Variants in KLHL3 observed in about 807,000 individuals in gnomAD.
The protein encoded by KLHL3 is kelch like family member 3.
Under a neutral mutation model 70.5 loss-of-function variants are expected in KLHL3, and 19 were observed. The ratio of observed to expected loss-of-function variants is 0.27; its 90% CI spans 0.19 to 0.40. The LOEUF (loss-of-function observed/expected upper bound fraction) is 0.40. KLHL3 is among the 10% of genes least tolerant of loss of function. The probability of loss-of-function intolerance (pLI) is 1.00; values close to 1 mark genes in which losing one functional copy is unlikely to be tolerated. For synonymous variants in KLHL3, 258 were observed against 290.3 expected, an observed-to-expected ratio of 0.89 and a Z score of 1.13; for missense variants, 512 against 771.1, an observed-to-expected ratio of 0.66 and a Z score of 3.98.
At chr5:137,705,706 A>C (rs984158889) in intron 3 of KLHL3, among the ~76,000 whole-genome samples, 8 of 152,156 alleles carry the variant, frequency 5.3e-5, no homozygotes, top group Non-Finnish European at 8.8e-5. Context: ...TTAACACCAT[A>C]AAATAGGGGC....
intron 12 of KLHL3, among the ~76,000 whole-genome samples, chr5:137,632,920 C>T (rs1455169202): frequency 6.6e-6 from 1 of 152,108 alleles, no homozygotes. Context: ...TGCTTAACAT[C>T]GTAATCATCA....
At chr5:137,642,769 T>C (rs1750946421) in intron 8 of KLHL3, among the ~76,000 whole-genome samples, 1 of 151,140 alleles carries the variant, frequency 6.6e-6, no homozygotes, top group African/African-American at 2.4e-5. Context: ...GCAAGCAAAA[T>C]AAAAAGAGAA....
At chr5:137,667,317 G>A (rs1160175672) in intron 6 of KLHL3, among the ~76,000 whole-genome samples, 1 of 152,186 alleles carries the variant, frequency 6.6e-6, no homozygotes, top group Non-Finnish European at 1.5e-5. Context: ...AGGATAGGGT[G>A]ATATCTACTT....
rs578058663 is a variant in KLHL3, at chr5:137,657,805, T to C, written c.903+326A>G. Among the ~76,000 whole-genome samples, 4 of 152,264 alleles carry C rather than the reference T, an allele frequency of 2.6e-5. No homozygotes were observed. In the East Asian group the frequency reaches 7.7e-4, roughly 29 times the overall value. On this transcript the variant is annotated intron_variant, in intron 8 of 14. Transcript: ENST00000309755. ...TGGCCATCACTAAGTGAAACCAACA[T>C]AGCCATTCCTCTGCTTCCAACAGAA...
chr5:137,691,820 G>A (rs2967801), intron 5 of KLHL3, among the ~76,000 whole-genome samples: 117,671 of 150,608 alleles, frequency 0.78, 46,191 homozygotes, highest in East Asian at 0.98. Context: ...GGGTTTCACC[G>A]TGTTAGCCAG....
chr5:137,626,163 C>T (rs932507379), intron 13 of KLHL3, among the ~76,000 whole-genome samples: 3 of 152,162 alleles, frequency 2.0e-5, no homozygotes, highest in African/African-American at 7.2e-5. Flanking sequence ...CCCCCCGCCA[C>T]ACACATACCT....
intron 3 of KLHL3, among the ~76,000 whole-genome samples, chr5:137,709,391 G>C (rs546893743): frequency 3.9e-5 from 6 of 152,338 alleles, no homozygotes; most frequent in African/African-American, 1.4e-4. Flanking sequence ...CCTTGTCTCA[G>C]CCTCAGTGTC....
intron 4 of KLHL3, among the ~76,000 whole-genome samples, chr5:137,697,648 C>T (rs1048894189): frequency 6.6e-6 from 1 of 152,162 alleles, no homozygotes; most frequent in Non-Finnish European, 1.5e-5. Context: ...CTCAGGACCA[C>T]CAAACAGTGA....
At chr5:137,634,395 G>A (rs764077966) in intron 11 of KLHL3, among the ~76,000 whole-genome samples, 5 of 152,116 alleles carry the variant, frequency 3.3e-5, no homozygotes, top group Admixed American at 6.5e-5. Flanking sequence ...AACACTTAAC[G>A]TCTTTCTAAA....
chr5:137,687,098 C>T (rs1580761526), intron 5 of KLHL3, among the ~76,000 whole-genome samples: 1 of 98,514 alleles, frequency 1.0e-5, no homozygotes, highest in Admixed American at 9.5e-5. Context: ...GCCCGGCCAG[C>T]CGCCCCGTCC....
intron 3 of KLHL3, among the ~76,000 whole-genome samples, chr5:137,700,758 A>G (rs962565207): frequency 1.3e-5 from 2 of 152,212 alleles, no homozygotes; most frequent in African/African-American, 4.8e-5. Flanking sequence ...GATGTGAAAG[A>G]AAAACTAAGG....
At chr5:137,719,915 C>T (rs1291630078) in intron 2 of KLHL3, among the ~76,000 whole-genome samples, 1 of 152,096 alleles carries the variant, frequency 6.6e-6, no homozygotes, top group East Asian at 1.9e-4. Flanking sequence ...AAGGATTTTT[C>T]CCCTGTGATT....
At chr5:137,702,145 CCAA>C (rs1419767180) in intron 3 of KLHL3, among the ~76,000 whole-genome samples, 1 of 152,168 alleles carries the variant, frequency 6.6e-6, no homozygotes, top group Non-Finnish European at 1.5e-5. Context: ...GACAAGAAAA[CCAA>C]CAACTGCAAA....
rs796957196 is a variant in KLHL3 at position 137,639,711 on chromosome 5, C to CA, written c.1021+148dup. 298,128 of 504,362 alleles carry CA rather than the reference C, an allele frequency of 0.59. 56,812 individuals are homozygous for CA. The highest frequency in any genetic ancestry group is 0.7 in the Admixed American group (20,485 of 29,094). 31.2% of individuals were successfully genotyped at this position (504,362 alleles called of 1,614,324 possible). ...TCTGTCTTAAAACAACGACAACAAC[C>CA]AAAAAAAAAAAAAAAGTGTGCAGGA... is the stretch of plus-strand genomic sequence containing the variant. On this transcript the variant is annotated intron_variant, in intron 9 of 14. Coordinates refer to ENST00000309755, the MANE Select transcript of KLHL3 (RefSeq NM_017415.3). The surrounding 1 kb of genome is among the most constrained non-coding windows in gnomAD (Gnocchi z 5.0).
intron 6 of KLHL3, among the ~76,000 whole-genome samples, chr5:137,677,207 G>A (rs1468355424): frequency 6.6e-6 from 1 of 152,174 alleles, no homozygotes; most frequent in Non-Finnish European, 1.5e-5. Flanking sequence ...AGCATTTTGG[G>A]AGGCTGAGGC....
intron 10 of KLHL3, 125 bp downstream of exon 10, chr5:137,638,828 G>A (rs1021400185): frequency 1.1e-6 from 1 of 873,616 alleles, no homozygotes; most frequent in Non-Finnish European, 1.8e-6. Context: ...AAGAAGAGTG[G>A]ATATGTCCCT....
chr5:137,656,741 G>A (rs983159550), intron 8 of KLHL3, among the ~76,000 whole-genome samples: 6 of 152,222 alleles, frequency 3.9e-5, no homozygotes, highest in African/African-American at 7.2e-5. Flanking sequence ...ACTAGGCAAC[G>A]TGAGGCCAAC....
intron 1 of KLHL3, among the ~76,000 whole-genome samples, chr5:137,725,891 C>A (rs1477181217): frequency 1.3e-5 from 2 of 152,168 alleles, no homozygotes; most frequent in African/African-American, 4.8e-5. Flanking sequence ...TCACAGATAC[C>A]CACTGACCCC....
chr5:137,647,433 GC>G (rs1751078931), intron 8 of KLHL3: 2 of 313,550 alleles, frequency 6.4e-6, no homozygotes, highest in African/African-American at 5.1e-5. Flanking sequence ...CCTAGCCCTG[GC>G]CTCAGGACTA....
Sources: allele counts gnomAD v4.1 joint callset (sites outside exome capture counted in the v4.1 genomes callset), GRCh38; gene constraint gnomAD v4.1.1; non-coding constraint Gnocchi (gnomAD v3.1); transcripts MANE v1.5; gene names NCBI Gene and HGNC (gene_info 2026-07-23, HGNC 2026-07-21).